The following HPSE2 variants were observed in gnomAD, a reference collection of about 807,000 sequenced individuals.
HPSE2 encodes inactive heparanase-2.
A neutral mutation model predicts 60.5 loss-of-function variants in HPSE2; 38 were observed. That is an observed-to-expected ratio of 0.63 (90% CI 0.48 to 0.82). The LOEUF is 0.82. Among genes scored for constraint, HPSE2 ranks in the 40% least tolerant of loss-of-function variants. The pLI, the probability that HPSE2 is intolerant of heterozygous loss-of-function variation, is 0.00. For synonymous variants in HPSE2, 295 were observed against 293.2 expected (o/e 1.01, Z -0.06); for missense variants, 713 against 740.4 (o/e 0.96, Z 0.43).
intron 3 of HPSE2, among the ~76,000 whole-genome samples, chr10:99,136,567 G>T (rs1307460697): frequency 6.6e-6 from 1 of 152,190 alleles, no homozygotes; most frequent in East Asian, 1.9e-4. Context: ...TCATCCCTGG[G>T]ATGCAAGGCT....
At chr10:98,661,753 A>G (rs1183608268) in intron 6 of HPSE2, among the ~76,000 whole-genome samples, 1 of 152,190 alleles carries the variant, frequency 6.6e-6, no homozygotes, top group African/African-American at 2.4e-5. Flanking sequence ...ATTTGTTGCT[A>G]TTACAGACAA....
intron 3 of HPSE2, among the ~76,000 whole-genome samples, chr10:99,125,660 G>T (rs1845133836): frequency 6.6e-6 from 1 of 152,176 alleles, no homozygotes; most frequent in African/African-American, 2.4e-5. Context: ...GCGTGAGAGG[G>T]GGAAAACATG....
At chr10:98,600,097 CA>C (rs1392310547) in intron 9 of HPSE2, among the ~76,000 whole-genome samples, 1 of 152,134 alleles carries the variant, frequency 6.6e-6, no homozygotes. Context: ...TCCAATTCAG[CA>C]AATAATTTTT....
At chr10:98,634,363 C>T (rs1946441851) in intron 7 of HPSE2, among the ~76,000 whole-genome samples, 1 of 152,134 alleles carries the variant, frequency 6.6e-6, no homozygotes, top group Non-Finnish European at 1.5e-5. Context: ...ATTAATCAAA[C>T]AAATACTGAT....
At chr10:98,676,260 A>C (rs992752067) in intron 6 of HPSE2, among the ~76,000 whole-genome samples, 1 of 152,152 alleles carries the variant, frequency 6.6e-6, no homozygotes, top group Non-Finnish European at 1.5e-5. Context: ...TTAGGCAGGG[A>C]GATACCTGTG....
At chr10:98,539,616 T>C (rs556030906) in intron 9 of HPSE2, among the ~76,000 whole-genome samples, 54 of 152,324 alleles carry the variant, frequency 3.5e-4, no homozygotes, top group Non-Finnish European at 6.3e-4. Flanking sequence ...AAAGTGTGGG[T>C]TGCATTCTAC....
At chr10:98,960,182 C>T (rs1352471399) in intron 3 of HPSE2, among the ~76,000 whole-genome samples, 2 of 152,016 alleles carry the variant, frequency 1.3e-5, no homozygotes, top group South Asian at 2.1e-4. Flanking sequence ...ATTTTCATTG[C>T]TTTTTCTGAA....
chr10:98,902,318 C>T (rs1482227669), intron 3 of HPSE2, among the ~76,000 whole-genome samples: 3 of 152,088 alleles, frequency 2.0e-5, no homozygotes, highest in Non-Finnish European at 4.4e-5. Flanking sequence ...TTCCAAGGTC[C>T]AAACTCATTT....
At chr10:98,489,260 C>T (rs565849000) in intron 10 of HPSE2, among the ~76,000 whole-genome samples, 265 of 152,242 alleles carry the variant, frequency 1.7e-3, no homozygotes, top group African/African-American at 5.4e-3. Context: ...CTTTAGGCAC[C>T]CCCCACCCCT....
At chr10:98,789,108 G>T (rs2134474304) in intron 3 of HPSE2, among the ~76,000 whole-genome samples, 2 of 152,216 alleles carry the variant, frequency 1.3e-5, no homozygotes, top group Admixed American at 1.3e-4. Context: ...ACAGAAATTT[G>T]TATCTGTTTG....
intron 2 of HPSE2, among the ~76,000 whole-genome samples, chr10:99,172,495 T>C (rs991474424): frequency 1.3e-5 from 2 of 152,156 alleles, no homozygotes; most frequent in African/African-American, 4.8e-5. Context: ...TATTGGACAC[T>C]AGGAATATAA....
At chr10:98,552,223 T>G (rs1943884032) in intron 9 of HPSE2, among the ~76,000 whole-genome samples, 1 of 152,176 alleles carries the variant, frequency 6.6e-6, no homozygotes, top group African/African-American at 2.4e-5. Context: ...AATAGGTAGC[T>G]AGTAAATGGT....
At chr10:99,216,596 T>A (rs1325129640) in intron 2 of HPSE2, among the ~76,000 whole-genome samples, 1 of 152,184 alleles carries the variant, frequency 6.6e-6, no homozygotes, top group Non-Finnish European at 1.5e-5. Flanking sequence ...TCAGGTAAGG[T>A]TTACTGCTTC....
intron 3 of HPSE2, among the ~76,000 whole-genome samples, chr10:98,765,368 T>C (rs548977975): frequency 3.3e-5 from 5 of 152,258 alleles, no homozygotes; most frequent in African/African-American, 1.2e-4. Flanking sequence ...TGGAAAATTC[T>C]CCCAAATATT....
chr10:99,284,805 A>G, the HPSE2 span, among the ~76,000 whole-genome samples: 1 of 152,208 alleles, frequency 6.6e-6, no homozygotes, highest in Admixed American at 6.5e-5. Context: ...AATAGCAAAG[A>G]CATGGAATCA....
chr10:99,218,278 A>T (rs1441829989), intron 2 of HPSE2, among the ~76,000 whole-genome samples: 2 of 150,620 alleles, frequency 1.3e-5, no homozygotes, highest in Non-Finnish European at 3.0e-5. Context: ...GGAAACTCAG[A>T]ATGTCAGGTA....
In HPSE2 at chr10:98,515,166, A is replaced by G. The variant is rs114198024; in HGVS notation, c.1321-24970T>C. Among the ~76,000 whole-genome samples the G allele has an allele frequency of 8.7e-3, 1,325 of 152,222 alleles. 23 individuals are homozygous for G. The highest frequency in any genetic ancestry group is 0.03 in the African/African-American group (1,233 of 41,530). On this transcript the variant is annotated intron_variant, in intron 9 of 11. Coordinates refer to ENST00000370552, the MANE Select transcript of HPSE2 (RefSeq NM_021828.5). Reference sequence around the variant, plus strand: ...AGAGTGGCTGGAGGTGATTTATTCCATGGAGTGGAACTTTAAGGAGACTGA... The same window carrying G: ...AGAGTGGCTGGAGGTGATTTATTCCGTGGAGTGGAACTTTAAGGAGACTGA...
At chr10:98,802,210 A>T (rs1442968511) in intron 3 of HPSE2, among the ~76,000 whole-genome samples, 2 of 152,180 alleles carry the variant, frequency 1.3e-5, no homozygotes, top group Non-Finnish European at 2.9e-5. Flanking sequence ...GTTAGACCTC[A>T]AACTATAAAA....
At chr10:98,520,698 A>C (rs959923459) in intron 9 of HPSE2, among the ~76,000 whole-genome samples, 2 of 152,244 alleles carry the variant, frequency 1.3e-5, no homozygotes, top group African/African-American at 2.4e-5. Flanking sequence ...TGCAACTTCC[A>C]AAGTGTATTG....
Sources: allele counts gnomAD v4.1 joint callset (sites outside exome capture counted in the v4.1 genomes callset), GRCh38; gene constraint gnomAD v4.1.1; transcripts MANE v1.5; gene names NCBI Gene and HGNC (gene_info 2026-07-23, HGNC 2026-07-21).